WNT5A: variants seen among roughly 807,000 people sequenced by gnomAD.
The protein encoded by WNT5A is protein Wnt-5a.
A neutral mutation model predicts 42.1 loss-of-function variants in WNT5A; 9 were observed. The ratio of observed to expected loss-of-function variants is 0.21; its 90% confidence interval spans 0.13 to 0.37. The LOEUF is 0.37. Among genes scored for constraint, WNT5A ranks in the 10% least tolerant of loss-of-function variants. The probability of loss-of-function intolerance (pLI) is 1.00; values close to 1 mark genes in which losing one functional copy is unlikely to be tolerated. For synonymous variants in WNT5A, 210 were observed against 210.0 expected (o/e 1.00, Z 0.00); for missense variants, 426 against 534.0 (o/e 0.80, Z 1.99).
the WNT5A span, among the ~76,000 whole-genome samples, chr3:55,503,090 T>C: frequency 6.6e-6 from 1 of 152,188 alleles, no homozygotes; most frequent in African/African-American, 2.4e-5. Context: ...TTCCCTGTCA[T>C]TGGCAACAGT....
chr3:55,498,531 G>T, the WNT5A span, among the ~76,000 whole-genome samples: 1 of 152,148 alleles, frequency 6.6e-6, no homozygotes, highest in African/African-American at 2.4e-5. Flanking sequence ...GAAGACAAAG[G>T]ATTATGACAG....
chr3:55,504,412 C>T, the WNT5A span, among the ~76,000 whole-genome samples: 1 of 152,032 alleles, frequency 6.6e-6, no homozygotes, highest in Non-Finnish European at 1.5e-5. Context: ...GTTTTCCAAC[C>T]CCTGTGATGT....
chr3:55,481,375 G>A, intron 1 of WNT5A: 1 of 985,664 alleles, frequency 1.0e-6, no homozygotes, highest in Non-Finnish European at 1.2e-6. Flanking sequence ...CCATGGGCGA[G>A]AGGAGCACGG....
At chr3:55,501,341 A>C in the WNT5A span, among the ~76,000 whole-genome samples, 1 of 152,242 alleles carries the variant, frequency 6.6e-6, no homozygotes, top group Admixed American at 6.5e-5. Context: ...AAAATAAAAA[A>C]TGCAACTCCT....
chr3:55,487,072 G>A lies in WNT5A; in HGVS notation c.-87C>T, dbSNP rs1291208193. On this transcript the variant is annotated 5_prime_UTR_variant, in exon 1 of 5. Coordinates refer to ENST00000264634, the MANE Select transcript of WNT5A (RefSeq NM_003392.7). ...GAGCGGAGCGACCGGGTTAAGCCTG[G>A]GGGGACGGTCAGGAGCAGGGCTGCG... is the stretch of plus-strand genomic sequence containing the variant. 8.1e-7 allele frequency: 1 copy of A among 1,235,136 alleles called. No individual in the cohort carries two copies. The allele number at this position is 1,235,136 out of a possible 1,614,324, so 76.5% of individuals were successfully genotyped here.
the WNT5A span, among the ~76,000 whole-genome samples, chr3:55,498,701 G>A: frequency 1.3e-5 from 2 of 152,168 alleles, no homozygotes; most frequent in African/African-American, 2.4e-5. Flanking sequence ...TAAGGTAGGG[G>A]CATGTGACTC....
the WNT5A span, among the ~76,000 whole-genome samples, chr3:55,501,384 C>G: frequency 1.3e-5 from 2 of 152,192 alleles, no homozygotes; most frequent in African/African-American, 4.8e-5. Context: ...TTACCTAGTT[C>G]TTACATTTAA....
intron 1 of WNT5A, 34 bp downstream of exon 1, chr3:55,486,941 GAAGTA>G (rs1559560167): frequency 6.6e-7 from 1 of 1,512,114 alleles, no homozygotes; most frequent in Non-Finnish European, 9.1e-7. Flanking sequence ...GGGGTGGGGG[GAAGTA>G]AAGAAAAAAA....
At position 55,483,117 on chromosome 3, in the gene WNT5A, C is replaced by G. The variant is rs2051502071; in HGVS notation, c.7-2199G>C. ...TTGTTAGAGCCGAAGCCACACAAAC[C>G]GAACCCACTCCCAGCCCGAAGCCCC... On this transcript the variant is annotated intron_variant, in intron 1 of 4. Transcript: ENST00000264634. The surrounding 1 kb of genome is among the most constrained non-coding windows in gnomAD (Gnocchi z 4.2). Among the ~76,000 whole-genome samples, 1 of 152,162 alleles carries G rather than the reference C, an allele frequency of 6.6e-6. No individual in the cohort carries two copies. The highest frequency in any genetic ancestry group is 1.9e-4 in the East Asian group (1 of 5,184).
rs1001859040 is a variant in WNT5A, at chr3:55,466,154, G to C, written c.*3938C>G. 2 of 152,028 alleles carry C rather than the reference G, an allele frequency of 1.3e-5. No homozygotes were observed. Among genetic ancestry groups the C allele is most frequent in the South Asian group, 4.2e-4 (2 of 4,792 alleles). The allele number at this position is 152,028 out of a possible 1,614,324, so 9.4% of individuals were successfully genotyped here. ...GGCATCTCTCTTTCACCATTCCACAGAGAGAGAAAAGACTAGAAAATACTT... is the reference window on the plus strand; with the variant it reads ...GGCATCTCTCTTTCACCATTCCACACAGAGAGAAAAGACTAGAAAATACTT... On this transcript the variant is annotated 3_prime_UTR_variant, in exon 5 of 5. Coordinates refer to ENST00000264634, the MANE Select transcript of WNT5A (RefSeq NM_003392.7).
In WNT5A at chr3:55,468,228, G is replaced by T. The variant is rs1314935909; in HGVS notation, c.*1864C>A. On this transcript the variant is annotated 3_prime_UTR_variant, in exon 5 of 5. Coordinates refer to ENST00000264634, the MANE Select transcript of WNT5A (RefSeq NM_003392.7). ...AGTACTGTCATTTCTAATAGGCATG[G>T]GTTTCCATTCTGCAGAATGAACTAA... The T allele has an allele frequency of 6.6e-6, 1 of 151,744 alleles. No homozygotes were observed. The highest frequency in any genetic ancestry group is 2.4e-5 in the African/African-American group (1 of 41,300). The allele number at this position is 151,744 out of a possible 1,614,324, so 9.4% of individuals were successfully genotyped here. A position where few individuals can be genotyped will look rare whatever the true frequency, so the allele number is the denominator to read the frequency against.
intron 3 of WNT5A, among the ~76,000 whole-genome samples, chr3:55,477,867 A>C (rs2051385880): frequency 6.6e-6 from 1 of 152,198 alleles, no homozygotes; most frequent in Non-Finnish European, 1.5e-5. Context: ...GATTTTTGCT[A>C]ACTCATATAC....
At chr3:55,503,784 C>T in the WNT5A span, among the ~76,000 whole-genome samples, 1 of 152,048 alleles carries the variant, frequency 6.6e-6, no homozygotes, top group Middle Eastern at 3.2e-3. Context: ...GACCTCAACT[C>T]CATAAAATAA....
chr3:55,472,032 T>G (rs1397880505), intron 4 of WNT5A, among the ~76,000 whole-genome samples: 1 of 152,136 alleles, frequency 6.6e-6, no homozygotes, highest in Non-Finnish European at 1.5e-5. Flanking sequence ...ATTAAAAAGC[T>G]AACACCCCAT....
rs757639885 is a variant in WNT5A, at chr3:55,469,393, G to T, written c.*699C>A. On this transcript the variant is annotated 3_prime_UTR_variant, in exon 5 of 5. Coordinates refer to ENST00000264634, the MANE Select transcript of WNT5A (RefSeq NM_003392.7). ...AGTTTTAAATTTTTTAATTTCTGGG[G>T]ACTTTCCTCCCTGCTGCCCAAATTT... 2.6e-5 allele frequency: 4 copies of T among 152,088 alleles called. No individual in the cohort carries two copies. Among genetic ancestry groups the T allele is most frequent in the African/African-American group, 9.7e-5 (4 of 41,402 alleles). The allele number at this position is 152,088 out of a possible 1,614,324, so 9.4% of individuals were successfully genotyped here.
intron 1 of WNT5A, chr3:55,481,547 G>T (rs2051465142): frequency 3.6e-6 from 1 of 281,572 alleles, no homozygotes; most frequent in Non-Finnish European, 5.4e-6. Flanking sequence ...ATGCAGCTCC[G>T]AATTAACATC....
chr3:55,494,364 GA>G, upstream of WNT5A, among the ~76,000 whole-genome samples: 1 of 152,228 alleles, frequency 6.6e-6, no homozygotes, highest in East Asian at 1.9e-4. Context: ...CCATTCTCCG[GA>G]AGGGAAATCT....
chr3:55,488,498 G>C (rs534914093), upstream of WNT5A, among the ~76,000 whole-genome samples: 32 of 119,584 alleles, frequency 2.7e-4, no homozygotes, highest in Non-Finnish European at 3.8e-4. Flanking sequence ...GAGAGGGAAG[G>C]GGGGGGAAGA....
At chr3:55,485,410 G>A (rs192374932) in intron 1 of WNT5A, among the ~76,000 whole-genome samples, 3 of 152,026 alleles carry the variant, frequency 2.0e-5, no homozygotes, top group Admixed American at 2.0e-4. Context: ...GCCTCCTGGG[G>A]AGGGTCTTCC....
Sources: gnomAD v4.1 joint callset for allele counts (sites outside exome capture counted in the v4.1 genomes callset) on GRCh38, gnomAD v4.1.1 for gene constraint, Gnocchi (gnomAD v3.1) non-coding constraint, MANE v1.5 for transcripts, NCBI Gene and HGNC (gene_info 2026-07-23, HGNC 2026-07-21) for gene names.